Variants in NUCB1 observed in about 807,000 individuals in gnomAD.
The protein encoded by NUCB1 is nucleobindin 1.
Under a neutral mutation model 61.2 loss-of-function variants are expected in NUCB1, and 47 were observed. The ratio of observed to expected loss-of-function variants is 0.77; its 90% CI spans 0.61 to 0.98. The LOEUF is 0.98. NUCB1 is among the 50% of genes least tolerant of loss of function. The pLI is 0.00. For missense variants in NUCB1, 583 were observed against 605.3 expected, an observed-to-expected ratio of 0.96 and a Z score of 0.39; for synonymous variants, 234 against 243.1, an observed-to-expected ratio of 0.96 and a Z score of 0.35.
Position 48,911,240 on chromosome 19 carries a change from G to C in NUCB1, c.468G>C (p.Leu156=). 1 of 1,613,270 alleles carries C rather than the reference G, an allele frequency of 6.2e-7. No homozygotes were observed. Among genetic ancestry groups the C allele is most frequent in the Non-Finnish European group, 8.5e-7 (1 of 1,179,376 alleles). Residue 156 remains leucine (L), a synonymous_variant, in exon 5 of 13, where the codon CTG becomes CTC. Coordinates refer to ENST00000405315, the MANE Select transcript of NUCB1 (RefSeq NM_006184.6). ...CATTCGAGGCCCGCGACCTGGAGCTGCTGATCCAGACGGTAATGGGAGTGG... is the reference window on the plus strand; with the variant it reads ...CATTCGAGGCCCGCGACCTGGAGCTCCTGATCCAGACGGTAATGGGAGTGG... ...QHTFEARDLE[L]LIQTATRDLA...
At chr19:48,918,499 C>T in intron 7 of NUCB1, 1 of 547,332 alleles carries the variant, frequency 1.8e-6, no homozygotes, top group South Asian at 2.3e-5. Context: ...TTCCTCGAAC[C>T]CTCCCTTTGA....
intron 4 of NUCB1, among the ~76,000 whole-genome samples, chr19:48,906,494 G>T (rs2037414634): frequency 6.6e-6 from 1 of 151,948 alleles, no homozygotes; most frequent in African/African-American, 2.4e-5. Flanking sequence ...TTTGAGGCAG[G>T]AGAATCACTC....
rs377591728 is a variant in NUCB1 at position 48,922,430 on chromosome 19, C to T, written c.*6C>T. 84 of 1,608,752 alleles carry T rather than the reference C, an allele frequency of 5.2e-5. No individual in the cohort carries two copies. Among genetic ancestry groups the T allele is most frequent in the East Asian group, 2.0e-4 (9 of 44,842 alleles). On this transcript the variant is annotated 3_prime_UTR_variant, in exon 13 of 13. Coordinates refer to ENST00000405315, the MANE Select transcript of NUCB1 (RefSeq NM_006184.6). ...AGGTGCCCCAGCATCTGTGATCCTC[C>T]GGGACCCCAGCCCTCAGGATTCCTG...
Position 48,921,277 on chromosome 19 carries a change from G to C in NUCB1, c.1126G>C (p.Gly376Arg), listed in dbSNP as rs773635496. 89 of 1,604,726 alleles carry C rather than the reference G, an allele frequency of 5.5e-5. No individual in the cohort carries two copies. The highest frequency in any genetic ancestry group is 1.7e-4 in the Middle Eastern group (1 of 5,966). Residue 376 changes from glycine (G) to arginine (R), a missense_variant, in exon 11 of 13, where the codon GGG (glycine) becomes CGG (arginine). Gly to Arg is a moderately radical substitution (Grantham distance 125, BLOSUM62 -2). Transcript: ENST00000405315. The part of the protein sequence containing the change: ...QRLSQETEAL[G>R]RSQGRLEAQK... ...CCTCAGCCAGGAGACAGAGGCTCTA[G>C]GGCGGTCCCAGGGCCGCCTGGAGGC...
chr19:48,911,973 G>C (rs2037478833), intron 5 of NUCB1, among the ~76,000 whole-genome samples: 2 of 151,742 alleles, frequency 1.3e-5, no homozygotes, highest in Non-Finnish European at 2.9e-5. Flanking sequence ...TTGAACGCTG[G>C]GCAAAATAGT....
In NUCB1 at chr19:48,919,304, A is replaced by G. The variant is rs754436064; in HGVS notation, c.1002+18A>G. ...GCTGGGAGGTGAGAACATGGGGGAT[A>G]CTCGGGGTCCTGAACCTCTCTCTCT... On this transcript the variant is annotated intron_variant, in intron 10 of 12. Transcript: ENST00000405315. The G allele has an allele frequency of 1.0e-5, 16 of 1,587,142 alleles. No homozygotes were observed. Among genetic ancestry groups the G allele is most frequent in the Non-Finnish European group, 1.4e-5 (16 of 1,156,214 alleles).
In NUCB1 at chr19:48,900,854, C is replaced by G. The variant is rs752900089; in HGVS notation, c.58C>G (p.Leu20Val). ...TCTGTTGCCGCTGCTGCTGCTGCTCCTGCTTCGCGCCGTGCTGGCTGTCCC... is the reference window on the plus strand; with the variant it reads ...TCTGTTGCCGCTGCTGCTGCTGCTCGTGCTTCGCGCCGTGCTGGCTGTCCC... ...LLLLPLLLLL[L>V]LRAVLAVPLE... The change falls in exon 2 of 13, where the codon CTG becomes GTG. Residue 20 changes from leucine to valine, a missense_variant. Leu to Val is a conservative substitution (Grantham distance 32). Coordinates refer to ENST00000405315, the MANE Select transcript of NUCB1 (RefSeq NM_006184.6). 3.1e-6 allele frequency: 5 copies of G among 1,613,850 alleles called. No individual in the cohort carries two copies. Among genetic ancestry groups the G allele is most frequent in the Non-Finnish European group, 4.2e-6 (5 of 1,180,038 alleles).
chr19:48,921,137 C>T lies in NUCB1; in HGVS notation c.1003-17C>T, dbSNP rs2122212427. 1 of 1,591,618 alleles carries T rather than the reference C, an allele frequency of 6.3e-7. No individual in the cohort carries two copies. Among genetic ancestry groups the T allele is most frequent in the African/African-American group, 1.3e-5 (1 of 74,348 alleles). On this transcript the variant is annotated splice_polypyrimidine_tract_variant and intron_variant, in intron 10 of 12. Transcript: ENST00000405315. ...GTTGGACCTGTGCCCCTGATGGCCC[C>T]TGTGCCTGCCCTGCAGACAGTGGAG...
At chr19:48,919,684 G>C (rs2037586269) in intron 10 of NUCB1, among the ~76,000 whole-genome samples, 1 of 151,170 alleles carries the variant, frequency 6.6e-6, no homozygotes, top group Non-Finnish European at 1.5e-5. Context: ...CACCATGTTG[G>C]CCAGGCTGGT....
chr19:48,909,251 T>TA (rs202215398), intron 4 of NUCB1, among the ~76,000 whole-genome samples: 1,688 of 98,974 alleles, frequency 0.017, 13 homozygotes, highest in Admixed American at 0.025. Flanking sequence ...TTATTATTAT[T>TA]TTTTTTTTTT....
intron 1 of NUCB1, 27 bp from the exon 2 acceptor site, chr19:48,900,759 C>A: frequency 6.2e-7 from 1 of 1,607,800 alleles, no homozygotes; most frequent in Non-Finnish European, 8.5e-7. Context: ...AGACATTATG[C>A]ATTATCCAGC....
intron 7 of NUCB1, among the ~76,000 whole-genome samples, chr19:48,918,141 A>G (rs1016450376): frequency 1.3e-5 from 2 of 152,074 alleles, no homozygotes; most frequent in African/African-American, 2.4e-5. Flanking sequence ...GGACAGAATC[A>G]TGTTCTGGAA....
chr19:48,906,920 C>A (rs1171193266), intron 4 of NUCB1, among the ~76,000 whole-genome samples: 1 of 151,958 alleles, frequency 6.6e-6, no homozygotes, highest in Non-Finnish European at 1.5e-5. Context: ...ATAAGTACAG[C>A]GATAAAATCG....
intron 2 of NUCB1, among the ~76,000 whole-genome samples, chr19:48,902,646 G>A (rs1479276363): frequency 6.7e-6 from 1 of 148,424 alleles, no homozygotes; most frequent in Non-Finnish European, 1.5e-5. Flanking sequence ...CTGAGTTCAA[G>A]TGATTTGCCC....
At chr19:48,921,763 G>C (rs1284841208) in intron 11 of NUCB1, 64 bp from the exon 12 acceptor site, 16 of 1,498,828 alleles carry the variant, frequency 1.1e-5, no homozygotes, top group Non-Finnish European at 1.3e-5. Flanking sequence ...TGGGGACTGA[G>C]GCCTGAGCAC....
Position 48,921,184 on chromosome 19 carries a change from G to T in NUCB1, c.1033G>T (p.Glu345Ter), listed in dbSNP as rs754424864. Reference protein sequence around the residue: ...TVEMHPAYTEEELRRFEEELA... With the variant: ...TVEMHPAYTE The stretch of plus-strand genomic sequence containing the variant: ...GGAGATGCACCCTGCCTACACCGAG[G>T]AAGAGCTGAGGCGCTTTGAAGAGGA... Residue 345 changes from glutamate (E) to a stop codon, truncating the protein, a stop_gained, in exon 11 of 13, where the codon GAA becomes TAA. Coordinates refer to ENST00000405315, the MANE Select transcript of NUCB1 (RefSeq NM_006184.6). LOFTEE classifies it high-confidence loss of function. The T allele has an allele frequency of 1.9e-6, 3 of 1,612,700 alleles. No homozygotes were observed. Among genetic ancestry groups the T allele is most frequent in the Non-Finnish European group, 1.7e-6 (2 of 1,179,494 alleles).
chr19:48,905,896 GCA>G lies in NUCB1; in HGVS notation c.376+12_376+13del. Reference sequence around the variant, plus strand: ...CCGAGCAGGATCCCAGTGAGCAGGGGCAGGGCGGGAGGGACAGGCAGGGAGGG... The same window carrying G: ...CCGAGCAGGATCCCAGTGAGCAGGGGGGGCGGGAGGGACAGGCAGGGAGGG... On this transcript the variant is annotated intron_variant, in intron 4 of 12. Coordinates refer to ENST00000405315, the MANE Select transcript of NUCB1 (RefSeq NM_006184.6). The G allele has an allele frequency of 6.6e-7, 1 of 1,516,086 alleles. No homozygotes were observed. The highest frequency in any genetic ancestry group is 9.1e-7 in the Non-Finnish European group (1 of 1,100,616). The allele number at this position is 1,516,086 out of a possible 1,614,324, so 93.9% of individuals were successfully genotyped here. A position where few individuals can be genotyped will look rare whatever the true frequency, so the allele number is the denominator to read the frequency against.
At chr19:48,903,454 G>A (rs4802520) in intron 2 of NUCB1, among the ~76,000 whole-genome samples, 6,853 of 99,316 alleles carry the variant, frequency 0.069, 708 homozygotes, top group Non-Finnish European at 0.1. Flanking sequence ...GGATGGATGG[G>A]TGGTTGGATG....
At position 48,921,249 on chromosome 19, in the gene NUCB1, G is replaced by A; in HGVS notation, c.1098G>A (p.Gln366=). The change falls in exon 11 of 13, where the codon CAG becomes CAA. Residue 366 remains glutamine, a synonymous_variant. Transcript: ENST00000405315. The stretch of plus-strand genomic sequence containing the variant: ...AGGCAGAGCTGAATGCCAAGGCCCA[G>A]CGCCTCAGCCAGGAGACAGAGGCTC... The part of the protein sequence containing the change: ...AREAELNAKA[Q]RLSQETEALG... The A allele has an allele frequency of 6.2e-7, 1 of 1,610,666 alleles. No individual in the cohort carries two copies. Among genetic ancestry groups the A allele is most frequent in the Non-Finnish European group, 8.5e-7 (1 of 1,178,982 alleles).
Sources: allele counts gnomAD v4.1 joint callset (sites outside exome capture counted in the v4.1 genomes callset), GRCh38; gene constraint gnomAD v4.1.1; transcripts MANE v1.5; gene names NCBI Gene and HGNC (gene_info 2026-07-23, HGNC 2026-07-21).